KCNT2: variants seen among roughly 807,000 people sequenced by gnomAD.
KCNT2 encodes the protein potassium sodium-activated channel subfamily T member 2, also known as potassium channel subfamily T member 2.
In KCNT2, 67 loss-of-function variants were observed where a neutral mutation model predicts 153.8. The ratio of observed to expected loss-of-function variants is 0.44; its 90% CI spans 0.36 to 0.53. The LOEUF is 0.53. Among genes scored for constraint, KCNT2 ranks in the 20% least tolerant of loss-of-function variants. The pLI is 0.00. For synonymous variants in KCNT2, 500 were observed against 458.8 expected, an observed-to-expected ratio of 1.09 and a Z score of -1.15; for missense variants, 975 against 1,354.8, an observed-to-expected ratio of 0.72 and a Z score of 4.40.
At chr1:196,455,443 A>G (rs985172307) in intron 8 of KCNT2, among the ~76,000 whole-genome samples, 1 of 151,936 alleles carries the variant, frequency 6.6e-6, no homozygotes, top group Non-Finnish European at 1.5e-5. Flanking sequence ...TAATTTTAGC[A>G]CTATATGCTG....
chr1:196,509,097 C>T lies in KCNT2; in HGVS notation c.96-16756G>A, dbSNP rs140015258. On this transcript the variant is annotated intron_variant, in intron 1 of 27. Transcript: ENST00000294725. ...CAGCCTGCCCAATATGGTGAAACCCCGTCTCTACTAAAAATACAAAAATTA... is the reference window on the plus strand; with the variant it reads ...CAGCCTGCCCAATATGGTGAAACCCTGTCTCTACTAAAAATACAAAAATTA... Among the ~76,000 whole-genome samples, 56 of 151,934 alleles carry T rather than the reference C, an allele frequency of 3.7e-4. No individual in the cohort carries two copies. The East Asian group carries it at 6.2e-3, about 17-fold the overall frequency.
intron 1 of KCNT2, among the ~76,000 whole-genome samples, chr1:196,572,459 T>C (rs1660890626): frequency 6.6e-6 from 1 of 151,980 alleles, no homozygotes; most frequent in East Asian, 1.9e-4. Flanking sequence ...CTTGGCTTTC[T>C]AGGAGATAAA....
intron 26 of KCNT2, among the ~76,000 whole-genome samples, chr1:196,249,709 G>C (rs189320703): frequency 4.0e-4 from 60 of 151,788 alleles, no homozygotes; most frequent in Middle Eastern, 6.8e-3. Flanking sequence ...GGAGGCGAAG[G>C]TTACGTAGTG....
At chr1:196,492,129 C>G in intron 2 of KCNT2, 133 bp downstream of exon 2, 1 of 868,898 alleles carries the variant, frequency 1.2e-6, no homozygotes, top group South Asian at 2.2e-5. Context: ...CAATTTTATT[C>G]CTCTACCACC....
intron 1 of KCNT2, among the ~76,000 whole-genome samples, chr1:196,530,575 G>GA (rs932895299): frequency 2.0e-5 from 3 of 151,882 alleles, no homozygotes; most frequent in African/African-American, 7.3e-5. Flanking sequence ...TGTAAATATA[G>GA]AAAAAATGGT....
chr1:196,330,691 A>C (rs1664374904), intron 18 of KCNT2, among the ~76,000 whole-genome samples: 1 of 151,980 alleles, frequency 6.6e-6, no homozygotes, highest in African/African-American at 2.4e-5. Flanking sequence ...AATTTTGAGA[A>C]AGGAAATATT....
At position 196,268,704 on chromosome 1, in the gene KCNT2, T is replaced by C. The variant is rs564948230; in HGVS notation, c.2911-10210A>G. ...CCTAGCAGGAAGTTTATGCTCCTTA[T>C]GCATGAGAAACCTCACCCAAAACCC... On this transcript the variant is annotated intron_variant, in intron 25 of 27. Coordinates refer to ENST00000294725, the MANE Select transcript of KCNT2 (RefSeq NM_198503.5). Among the ~76,000 whole-genome samples the C allele has an allele frequency of 5.3e-5, 8 of 152,164 alleles. No homozygotes were observed. In the South Asian group the frequency reaches 1.7e-3, roughly 32 times the overall value.
At chr1:196,596,859 C>T (rs1333039676) in intron 1 of KCNT2, among the ~76,000 whole-genome samples, 1 of 152,034 alleles carries the variant, frequency 6.6e-6, no homozygotes, top group Non-Finnish European at 1.5e-5. Flanking sequence ...CACCAACACA[C>T]CTGGCTAATT....
At chr1:196,538,523 C>T (rs893948781) in intron 1 of KCNT2, among the ~76,000 whole-genome samples, 8 of 152,154 alleles carry the variant, frequency 5.3e-5, no homozygotes, top group Admixed American at 5.2e-4. Flanking sequence ...GCTGTATGTA[C>T]AGCATTAGCA....
intron 5 of KCNT2, among the ~76,000 whole-genome samples, chr1:196,478,654 G>T (rs1021283031): frequency 5.9e-5 from 9 of 152,016 alleles, no homozygotes; most frequent in Admixed American, 5.2e-4. Context: ...ATTATATGCT[G>T]CTTGTATTAT....
Position 196,471,202 on chromosome 1 carries a change from C to A in KCNT2, c.385-2134G>T, listed in dbSNP as rs114716235. Reference sequence around the variant, plus strand: ...GATTACAGGCATGAGCCATTGCGCCCGGCCCCTAATTTCTTAAATACTAAA... The same window carrying A: ...GATTACAGGCATGAGCCATTGCGCCAGGCCCCTAATTTCTTAAATACTAAA... On this transcript the variant is annotated intron_variant, in intron 5 of 27. Transcript: ENST00000294725. 5.6e-3 allele frequency among the ~76,000 whole-genome samples: 854 copies of A among 152,078 alleles called. 9 individuals carry two copies. The highest frequency in any genetic ancestry group is 0.02 in the African/African-American group (825 of 41,492).
chr1:196,389,505 T>C (rs896194693), intron 13 of KCNT2, among the ~76,000 whole-genome samples: 1 of 151,748 alleles, frequency 6.6e-6, no homozygotes, highest in African/African-American at 2.4e-5. Flanking sequence ...TGTTATCTTA[T>C]ACAATGTTTA....
chr1:196,301,951 G>A (rs1661223500), intron 22 of KCNT2, among the ~76,000 whole-genome samples: 1 of 151,932 alleles, frequency 6.6e-6, no homozygotes, highest in African/African-American at 2.4e-5. Context: ...TGTTGGCCAC[G>A]CTGGTCTCGA....
intron 8 of KCNT2, among the ~76,000 whole-genome samples, chr1:196,435,752 CAAATTACTCAATATTAGAGACAG>C (rs1674600604): frequency 6.6e-6 from 1 of 151,668 alleles, no homozygotes; most frequent in African/African-American, 2.4e-5. Flanking sequence ...ATGGAAGAAA[CAAATTACTCAATATTAGAGACAG>C]AATTGCCTGT....
chr1:196,461,711 T>C (rs1044916185), intron 8 of KCNT2, among the ~76,000 whole-genome samples: 1 of 151,660 alleles, frequency 6.6e-6, no homozygotes, highest in Non-Finnish European at 1.5e-5. Context: ...GTATTATTGA[T>C]GAAGAGGGGT....
intron 1 of KCNT2, among the ~76,000 whole-genome samples, chr1:196,572,233 G>A (rs143872129): frequency 3.9e-4 from 60 of 152,180 alleles, no homozygotes; most frequent in Admixed American, 2.6e-3. Context: ...TCAATATGAA[G>A]ATCCACTAGA....
intron 8 of KCNT2, among the ~76,000 whole-genome samples, chr1:196,435,602 C>T (rs989635905): frequency 6.6e-6 from 1 of 151,632 alleles, no homozygotes; most frequent in African/African-American, 2.4e-5. Context: ...ATTAACTTTG[C>T]TACCATGTTG....
At chr1:196,604,834 T>C (rs1665138446) in intron 1 of KCNT2, among the ~76,000 whole-genome samples, 1 of 152,112 alleles carries the variant, frequency 6.6e-6, no homozygotes, top group South Asian at 2.1e-4. Context: ...GCATATCTGT[T>C]ACATATACAC....
chr1:196,342,088 G>T lies in KCNT2; in HGVS notation c.1544C>A (p.Ala515Glu). Reference protein sequence around the residue: ...GKSFTYASFHAHKKFGVCLIG... With the variant: ...GKSFTYASFHEHKKFGVCLIG... ...TGAGGCAGAAACATACTTTTTGTGTGCATGGAAAGAGGCATATGTAAAACT... is the reference window on the plus strand; with the variant it reads ...TGAGGCAGAAACATACTTTTTGTGTTCATGGAAAGAGGCATATGTAAAACT... The change falls in exon 15 of 28, where the codon GCA (alanine) becomes GAA (glutamate). Residue 515 changes from alanine (A) to glutamate (E), a missense_variant. Coordinates refer to ENST00000294725, the MANE Select transcript of KCNT2 (RefSeq NM_198503.5). 6.3e-7 allele frequency: 1 copy of T among 1,599,234 alleles called. No individual in the cohort carries two copies. The highest frequency in any genetic ancestry group is 8.5e-7 in the Non-Finnish European group (1 of 1,172,928).
Sources: gnomAD v4.1 joint callset for allele counts (sites outside exome capture counted in the v4.1 genomes callset) on GRCh38, gnomAD v4.1.1 for gene constraint, MANE v1.5 for transcripts, NCBI Gene and HGNC (gene_info 2026-07-23, HGNC 2026-07-21) for gene names.